The following IL36RN variants were observed in gnomAD, a reference collection of about 807,000 sequenced individuals.
IL36RN encodes interleukin 36 receptor antagonist.
In IL36RN, 11 loss-of-function variants were observed where a neutral mutation model predicts 13.0. The ratio of observed to expected loss-of-function variants is 0.85; its 90% confidence interval spans 0.53 to 1.40. The LOEUF is 1.40. Among genes scored for constraint, IL36RN ranks in the 40% most tolerant of loss-of-function variants. The pLI, the probability that IL36RN is intolerant of heterozygous loss-of-function variation, is 0.00. For missense variants in IL36RN, 195 were observed against 195.3 expected (o/e 1.00, Z 0.01); for synonymous variants, 94 against 84.1 (o/e 1.12, Z -0.64).
chr2:113,061,985 A>G, intron 3 of IL36RN, 139 bp from the exon 4 acceptor site: 3 of 1,154,588 alleles, frequency 2.6e-6, no homozygotes, highest in Non-Finnish European at 3.8e-6. Context: ...AAGCCATGTC[A>G]TGACAGCTGC....
chr2:113,062,407 T>C (rs989206103), intron 4 of IL36RN, 46 bp from the exon 5 acceptor site: 1 of 1,609,420 alleles, frequency 6.2e-7, no homozygotes, highest in African/African-American at 1.3e-5. Flanking sequence ...GCCCTCCCTC[T>C]GCCCCTGCTT....
In IL36RN at chr2:113,064,461, G is replaced by T. The variant is rs771490427; in HGVS notation, c.*1784G>T. 6.6e-6 allele frequency: 1 copy of T among 152,166 alleles called. No individual in the cohort carries two copies. The highest frequency in any genetic ancestry group is 6.5e-5 in the Admixed American group (1 of 15,270). 9.4% of individuals were successfully genotyped at this position (152,166 alleles called of 1,614,324 possible). On this transcript the variant is annotated 3_prime_UTR_variant, in exon 5 of 5. Transcript: ENST00000393200. ...GATGGCATGCCACTTCCAAGATTAG[G>T]TTATAAAAGACACTGCAGCTTCTAC...
intron 3 of IL36RN, among the ~76,000 whole-genome samples, chr2:113,061,417 A>G (rs1685637041): frequency 6.6e-6 from 1 of 152,094 alleles, no homozygotes; most frequent in Non-Finnish European, 1.5e-5. Context: ...ACTCTGCCCC[A>G]TGCACTGCAA....
At chr2:113,058,698 GA>G (rs1344929840), upstream of IL36RN, 4 of 152,494 alleles carry the variant, frequency 2.6e-5, no homozygotes, top group African/African-American at 9.7e-5. Context: ...AAAGACAGAG[GA>G]AGGAAGGAGG....
Position 113,060,884 on chromosome 2 carries a change from T to C in IL36RN, c.62T>C (p.Leu21Pro), listed in dbSNP as rs1285007154. 10 of 1,614,210 alleles carry C rather than the reference T, an allele frequency of 6.2e-6. No homozygotes were observed. In the South Asian group the frequency reaches 1.1e-4, roughly 18 times the overall value. The change falls in exon 3 of 5, where the codon CTG (leucine) becomes CCG (proline). Residue 21 changes from leucine (L) to proline (P), a missense_variant. Physicochemically the swap from Leu to Pro is moderately conservative, Grantham distance 98. Coordinates refer to ENST00000393200, the MANE Select transcript of IL36RN (RefSeq NM_012275.3). ...MKDSALKVLY[L>P]HNNQLLAGGL... ...GACTCGGCATTGAAGGTGCTTTATCTGCATAATAACCAGCTTCTAGCTGGA... is the reference window on the plus strand; with the variant it reads ...GACTCGGCATTGAAGGTGCTTTATCCGCATAATAACCAGCTTCTAGCTGGA...
At chr2:113,062,049 G>C (rs1375419324) in intron 3 of IL36RN, 75 bp from the exon 4 acceptor site, 1 of 1,575,222 alleles carries the variant, frequency 6.3e-7, no homozygotes, top group Non-Finnish European at 8.6e-7. Flanking sequence ...CAGCAGTCCT[G>C]TGCCCTAGAG....
chr2:113,060,703 G>C (rs951929529), intron 2 of IL36RN, 149 bp from the exon 3 acceptor site: 1 of 705,538 alleles, frequency 1.4e-6, no homozygotes, highest in African/African-American at 1.7e-5. Flanking sequence ...GCCCAGCAGG[G>C]CTGGGAGACA....
Position 113,062,813 on chromosome 2 carries a change from T to C in IL36RN, c.*136T>C. On this transcript the variant is annotated 3_prime_UTR_variant, in exon 5 of 5. Coordinates refer to ENST00000393200, the MANE Select transcript of IL36RN (RefSeq NM_012275.3). Reference sequence around the variant, plus strand: ...ACTTAGTGGGCACCTGACCACTTTGTCTTCTGGTTCCCAGTTTGGATAAAT... The same window carrying C: ...ACTTAGTGGGCACCTGACCACTTTGCCTTCTGGTTCCCAGTTTGGATAAAT... 1.3e-6 allele frequency: 1 copy of C among 776,142 alleles called. No homozygotes were observed. The highest frequency in any genetic ancestry group is 2.7e-5 in the East Asian group (1 of 37,440). 48.1% of individuals were successfully genotyped at this position (776,142 alleles called of 1,614,324 possible). A position where few individuals can be genotyped will look rare whatever the true frequency, so the allele number is the denominator to read the frequency against.
At chr2:113,059,113 G>C (rs552166255), upstream of IL36RN, 4 of 423,168 alleles carry the variant, frequency 9.5e-6, no homozygotes, top group East Asian at 1.8e-4. Context: ...AATCACGCTG[G>C]GAATCCTGCT....
intron 4 of IL36RN, 85 bp from the exon 5 acceptor site, chr2:113,062,368 C>T: frequency 6.2e-7 from 1 of 1,604,262 alleles, no homozygotes; most frequent in Non-Finnish European, 8.5e-7. Flanking sequence ...TTGATGGCAG[C>T]TTTGCCTCCT....
chr2:113,061,516 A>G (rs1226842579), intron 3 of IL36RN, among the ~76,000 whole-genome samples: 3 of 152,032 alleles, frequency 2.0e-5, no homozygotes, highest in Non-Finnish European at 2.9e-5. Flanking sequence ...GCTAGGCCAT[A>G]TGTGTATGTG....
intron 2 of IL36RN, among the ~76,000 whole-genome samples, chr2:113,060,341 T>G (rs1017069144): frequency 2.0e-5 from 3 of 152,046 alleles, no homozygotes. Flanking sequence ...TAAAAGAAAT[T>G]TAAATTTAAA....
chr2:113,060,564 G>A (rs1685620498), intron 2 of IL36RN, among the ~76,000 whole-genome samples: 1 of 152,164 alleles, frequency 6.6e-6, no homozygotes, highest in South Asian at 2.1e-4. Flanking sequence ...AGAACCTAGG[G>A]CTCTGACTCA....
intron 4 of IL36RN, 37 bp from the exon 5 acceptor site, chr2:113,062,416 T>C (rs1685660722): frequency 6.2e-7 from 1 of 1,611,788 alleles, no homozygotes; most frequent in African/African-American, 1.3e-5. Context: ...CTGCCCCTGC[T>C]TCTGCCCTCA....
upstream of IL36RN, chr2:113,058,891 G>C (rs1431491756): frequency 1.3e-5 from 2 of 153,922 alleles, no homozygotes; most frequent in African/African-American, 4.8e-5. Flanking sequence ...GGGAGGCAGG[G>C]AGGAAAGAAA....
chr2:113,062,134 C>A lies in IL36RN; in HGVS notation c.126C>A (p.Ile42=), dbSNP rs1353053782. 6.2e-7 allele frequency: 1 copy of A among 1,613,942 alleles called. No individual in the cohort carries two copies. Among genetic ancestry groups the A allele is most frequent in the African/African-American group, 1.3e-5 (1 of 74,924 alleles). The part of the protein sequence containing the change: ...HAGKVIKGEE[I]SVVPNRWLDA... ...GCCTCTTTCCCACAGGTGAAGAGAT[C>A]AGCGTGGTCCCCAATCGGTGGCTGG... The change falls in exon 4 of 5, where the codon ATC becomes ATA. Residue 42 remains isoleucine, a synonymous_variant. Coordinates refer to ENST00000393200, the MANE Select transcript of IL36RN (RefSeq NM_012275.3).
In IL36RN at chr2:113,063,352, T is replaced by C. The variant is rs1685684064; in HGVS notation, c.*675T>C. 6.4e-6 allele frequency: 1 copy of C among 155,340 alleles called. No homozygotes were observed. Among genetic ancestry groups the C allele is most frequent in the Admixed American group, 6.2e-5 (1 of 16,128 alleles). 9.6% of individuals were successfully genotyped at this position (155,340 alleles called of 1,614,324 possible). On this transcript the variant is annotated 3_prime_UTR_variant, in exon 5 of 5. Coordinates refer to ENST00000393200, the MANE Select transcript of IL36RN (RefSeq NM_012275.3). The stretch of plus-strand genomic sequence containing the variant: ...TCCCAGATGCTGGTCTCTATTCCCA[T>C]GAAAAAGTGCTCATGACATATTGAG...
At chr2:113,058,980 C>A, upstream of IL36RN, 1 of 207,878 alleles carries the variant, frequency 4.8e-6, no homozygotes, top group Non-Finnish European at 9.9e-6. Flanking sequence ...CTAGTGCTCA[C>A]AAAGAGCTGG....
In IL36RN at chr2:113,063,622, G is replaced by A. The variant is rs1280349996; in HGVS notation, c.*945G>A. The A allele has an allele frequency of 6.6e-6, 1 of 152,144 alleles. No homozygotes were observed. Among genetic ancestry groups the A allele is most frequent in the African/African-American group, 2.4e-5 (1 of 41,416 alleles). The allele number at this position is 152,144 out of a possible 1,614,324, so 9.4% of individuals were successfully genotyped here. Reference sequence around the variant, plus strand: ...AGAAATTAATCTTGAGGTAAGCAGAGTAGACATCATCTCTGATTGTCCTCA... The same window carrying A: ...AGAAATTAATCTTGAGGTAAGCAGAATAGACATCATCTCTGATTGTCCTCA... On this transcript the variant is annotated 3_prime_UTR_variant, in exon 5 of 5. Coordinates refer to ENST00000393200, the MANE Select transcript of IL36RN (RefSeq NM_012275.3).
Sources: gnomAD v4.1 joint callset for allele counts (sites outside exome capture counted in the v4.1 genomes callset) on GRCh38, gnomAD v4.1.1 for gene constraint, MANE v1.5 for transcripts, NCBI Gene and HGNC (gene_info 2026-07-23, HGNC 2026-07-21) for gene names.